Variants in CD96 observed in about 807,000 individuals in gnomAD.
CD96 encodes the protein CD96 molecule.
A neutral mutation model predicts 71.3 loss-of-function variants in CD96; 70 were observed. The observed-to-expected ratio is 0.98, with a 90% CI of 0.81 to 1.20. CD96 has a LOEUF of 1.20. Among genes scored for constraint, CD96 ranks in the 50% most tolerant of loss-of-function variants. The pLI is 0.00. For synonymous variants in CD96, 248 were observed against 233.0 expected (o/e 1.06, Z -0.59); for missense variants, 742 against 677.5 (o/e 1.10, Z -1.06).
At chr3:111,619,676 T>G (rs1434111502) in intron 8 of CD96, among the ~76,000 whole-genome samples, 1 of 152,236 alleles carries the variant, frequency 6.6e-6, no homozygotes, top group Non-Finnish European at 1.5e-5. Context: ...TTCTCACATC[T>G]GGAAATATAT....
intron 5 of CD96, chr3:111,594,286 G>T: frequency 6.8e-7 from 1 of 1,476,872 alleles, no homozygotes; most frequent in South Asian, 1.4e-5. Flanking sequence ...TATATATTTG[G>T]GAAGGGCCTG....
chr3:111,594,150 C>T lies in CD96; in HGVS notation c.808-3970C>T, dbSNP rs572782722. On this transcript the variant is annotated intron_variant, in intron 5 of 13. Transcript: ENST00000352690. ...TCCTCCTCCTTCATCTCTAAGTCCC[C>T]TTTTGCCTTCATCATTGTTCCCTCC... is the stretch of plus-strand genomic sequence containing the variant. 4 of 1,612,614 alleles carry T rather than the reference C, an allele frequency of 2.5e-6. No individual in the cohort carries two copies. In the South Asian group the frequency reaches 3.3e-5, roughly 13 times the overall value.
chr3:111,603,462 C>T (rs1308187277), intron 7 of CD96, among the ~76,000 whole-genome samples: 1 of 151,996 alleles, frequency 6.6e-6, no homozygotes, highest in Non-Finnish European at 1.5e-5. Context: ...AAAAAAAATC[C>T]CGCCCTGCTA....
chr3:111,555,756 T>C (rs1934975869), intron 2 of CD96, among the ~76,000 whole-genome samples: 1 of 152,296 alleles, frequency 6.6e-6, no homozygotes, highest in East Asian at 1.9e-4. Flanking sequence ...TATTCAGGTT[T>C]TGTTAAAGTT....
At chr3:111,607,326 G>A (rs1937666457) in intron 8 of CD96, among the ~76,000 whole-genome samples, 1 of 152,112 alleles carries the variant, frequency 6.6e-6, no homozygotes, top group African/African-American at 2.4e-5. Flanking sequence ...AATTTGTTCT[G>A]GTTCAAATTA....
intron 8 of CD96, among the ~76,000 whole-genome samples, chr3:111,618,458 A>C (rs1249337725): frequency 6.6e-6 from 1 of 152,212 alleles, no homozygotes; most frequent in Non-Finnish European, 1.5e-5. Context: ...CATACTGTCC[A>C]GTTTGAGAAG....
chr3:111,591,960 T>G (rs1220816548), intron 5 of CD96, among the ~76,000 whole-genome samples: 1 of 152,232 alleles, frequency 6.6e-6, no homozygotes, highest in Non-Finnish European at 1.5e-5. Flanking sequence ...AAGACACCAC[T>G]GTTACACAAG....
chr3:111,635,512 G>A (rs1057258451), intron 10 of CD96, among the ~76,000 whole-genome samples: 1 of 152,286 alleles, frequency 6.6e-6, no homozygotes, highest in Admixed American at 6.5e-5. Flanking sequence ...TGTAATGTTT[G>A]TAATTTGTAA....
At chr3:111,607,063 A>G (rs1342676787) in intron 8 of CD96, 5 of 502,962 alleles carry the variant, frequency 9.9e-6, no homozygotes, top group Non-Finnish European at 1.4e-5. Flanking sequence ...TCATCTAATA[A>G]AGAAACTCCT....
intron 10 of CD96, among the ~76,000 whole-genome samples, chr3:111,636,584 CA>C (rs1011058850): frequency 6.6e-6 from 1 of 152,166 alleles, no homozygotes; most frequent in Non-Finnish European, 1.5e-5. Context: ...AGATCTATTT[CA>C]AAAGCCATAT....
chr3:111,622,982 A>C (rs981409629), intron 8 of CD96, among the ~76,000 whole-genome samples: 2 of 152,176 alleles, frequency 1.3e-5, no homozygotes, highest in Non-Finnish European at 1.5e-5. Context: ...AGGACTCAAC[A>C]TAATTTTTCT....
intron 6 of CD96, among the ~76,000 whole-genome samples, chr3:111,599,369 T>G (rs1937394308): frequency 6.6e-6 from 1 of 152,154 alleles, no homozygotes; most frequent in African/African-American, 2.4e-5. Context: ...ATTAGTTTAT[T>G]TTTAAAAAAA....
chr3:111,579,454 C>A, intron 4 of CD96: 1 of 617,852 alleles, frequency 1.6e-6, no homozygotes, highest in Non-Finnish European at 3.0e-6. Context: ...ATACAGAAGC[C>A]AATAATTTTC....
At chr3:111,600,977 C>T in intron 7 of CD96, 63 bp downstream of exon 7, 1 of 1,027,000 alleles carries the variant, frequency 9.7e-7, no homozygotes, top group Non-Finnish European at 1.5e-6. Flanking sequence ...TTCAAAATAT[C>T]TTTAATGGGA....
At position 111,545,106 on chromosome 3, in the gene CD96, T is replaced by C; in HGVS notation, c.122T>C (p.Val41Ala). 1 of 1,614,204 alleles carries C rather than the reference T, an allele frequency of 6.2e-7. No homozygotes were observed. The highest frequency in any genetic ancestry group is 8.5e-7 in the Non-Finnish European group (1 of 1,180,038). The change falls in exon 2 of 14, where the codon GTC (valine) becomes GCC (alanine). Residue 41 changes from valine (V) to alanine (A), a missense_variant. Transcript: ENST00000352690. The part of the protein sequence containing the change: ...ENVYATLGSD[V>A]NLTCQTQTVG... ...GTTTATGCTACACTTGGCTCTGATG[T>C]CAACCTGACCTGCCAAACACAGACA...
chr3:111,643,262 A>T (rs186581026), intron 12 of CD96, among the ~76,000 whole-genome samples: 1 of 152,260 alleles, frequency 6.6e-6, no homozygotes, highest in Admixed American at 6.5e-5. Context: ...TACAAAAAAA[A>T]ATTCAACAAA....
chr3:111,545,537 G>C lies in CD96; in HGVS notation c.418+135G>C, dbSNP rs1279931342. The stretch of plus-strand genomic sequence containing the variant: ...AGCAGAAAGAGCTACTGTCTGATAA[G>C]AGAGACAGGAAGTGACCACAGCATT... On this transcript the variant is annotated intron_variant, in intron 2 of 13. Transcript: ENST00000352690. 8.5e-6 allele frequency: 6 copies of C among 709,650 alleles called. No homozygotes were observed. The Admixed American group carries it at 1.0e-4, about 12-fold the overall frequency. 44.0% of individuals were successfully genotyped at this position (709,650 alleles called of 1,614,324 possible).
rs967021517 is a variant in CD96 at position 111,564,516 on chromosome 3, T to C, written c.419-3007T>C. On this transcript the variant is annotated intron_variant, in intron 2 of 13. Transcript: ENST00000352690. ...TTTCTCGAATTTCGTTACCTATGTTTTGTAAGCTTTTTTCTTCCACTGGAC... is the reference window on the plus strand; with the variant it reads ...TTTCTCGAATTTCGTTACCTATGTTCTGTAAGCTTTTTTCTTCCACTGGAC... Among the ~76,000 whole-genome samples, 10 of 152,142 alleles carry C rather than the reference T, an allele frequency of 6.6e-5. No homozygotes were observed. In the East Asian group the frequency reaches 1.3e-3, roughly 20 times the overall value.
At chr3:111,554,024 G>T (rs72939555) in intron 2 of CD96, among the ~76,000 whole-genome samples, 3,071 of 151,770 alleles carry the variant, frequency 0.02, 76 homozygotes, top group South Asian at 0.084. Context: ...TTAAGTTTTG[G>T]TCAAGAAAAG....
Sources: allele counts gnomAD v4.1 joint callset (sites outside exome capture counted in the v4.1 genomes callset), GRCh38; gene constraint gnomAD v4.1.1; transcripts MANE v1.5; gene names NCBI Gene and HGNC (gene_info 2026-07-23, HGNC 2026-07-21).